Variants in PRELID2 observed in about 807,000 individuals in gnomAD.
PRELID2 encodes the protein PRELI domain containing 2.
A neutral mutation model predicts 28.4 loss-of-function variants in PRELID2; 25 were observed. That is an observed-to-expected ratio of 0.88 (90% CI 0.64 to 1.23). PRELID2 has a LOEUF of 1.23. Ranked by LOEUF, PRELID2 falls within the 50% of genes most tolerant of loss-of-function variation. The pLI is 0.00. For missense variants in PRELID2, 201 were observed against 214.4 expected, an observed-to-expected ratio of 0.94 and a Z score of 0.39; for synonymous variants, 76 against 71.6, an observed-to-expected ratio of 1.06 and a Z score of -0.31.
At chr5:145,778,533 G>A (rs558534449) in intron 5 of PRELID2, among the ~76,000 whole-genome samples, 28 of 152,262 alleles carry the variant, frequency 1.8e-4, no homozygotes, top group African/African-American at 5.8e-4. Flanking sequence ...CTCAGTACCC[G>A]CCAAGCTGAA....
At chr5:145,468,539 TAA>T (rs1476808495), downstream of PRELID2, among the ~76,000 whole-genome samples, 2 of 152,176 alleles carry the variant, frequency 1.3e-5, no homozygotes, top group Non-Finnish European at 2.9e-5. Context: ...ACCTATAGTG[TAA>T]AAGTGTTTCC....
the PRELID2 span, among the ~76,000 whole-genome samples, chr5:145,340,308 C>T: frequency 6.6e-6 from 1 of 152,170 alleles, no homozygotes; most frequent in East Asian, 1.9e-4. Flanking sequence ...CTGTCACAGT[C>T]ACCACCAACA....
chr5:145,348,196 C>T, the PRELID2 span, among the ~76,000 whole-genome samples: 1 of 152,124 alleles, frequency 6.6e-6, no homozygotes, highest in Admixed American at 6.6e-5. Flanking sequence ...GTGAATGTGG[C>T]TGAAATCTTC....
the PRELID2 span, among the ~76,000 whole-genome samples, chr5:145,349,494 ATTT>A: frequency 6.7e-6 from 1 of 149,442 alleles, no homozygotes; most frequent in African/African-American, 2.5e-5. Flanking sequence ...ATATGACTTC[ATTT>A]TTTTTTTACA....
At chr5:145,686,390 T>C (rs972409800) in intron 1 of PRELID2, among the ~76,000 whole-genome samples, 3 of 152,146 alleles carry the variant, frequency 2.0e-5, no homozygotes, top group Non-Finnish European at 4.4e-5. Context: ...TTCTCATTAA[T>C]AAGATGCATA....
intron 5 of PRELID2, among the ~76,000 whole-genome samples, chr5:145,770,321 GC>G (rs1758024490): frequency 6.6e-6 from 1 of 151,816 alleles, no homozygotes; most frequent in African/African-American, 2.4e-5. Flanking sequence ...TTCGAGACCA[GC>G]TTTGGCAACA....
In PRELID2 at chr5:145,741,665, A is replaced by T. The variant is rs1326373967; in HGVS notation, n.70+23266T>A. ...ATTTATATATAAATAATTTATTTAT[A>T]TATAAATAATTTATAAATAATTTAT... On this transcript the variant is annotated intron_variant and non_coding_transcript_variant, in intron 1 of 2. Coordinates refer to the PRELID2 transcript ENST00000510259. Among the ~76,000 whole-genome samples the T allele has an allele frequency of 1.0e-4, 3 of 30,130 alleles. 1 individual carries two copies. Among genetic ancestry groups the T allele is most frequent in the Admixed American group, 4.7e-4 (1 of 2,118 alleles). The allele number at this position is 30,130 out of a possible 152,430, so 19.8% of individuals were successfully genotyped here. A position where few individuals can be genotyped will look rare whatever the true frequency, so the allele number is the denominator to read the frequency against.
chr5:145,337,960 TTTTG>T, the PRELID2 span: 1 of 151,960 alleles, frequency 6.6e-6, no homozygotes, highest in African/African-American at 2.4e-5. Flanking sequence ...ATTTATTTAA[TTTTG>T]TTTGTCAATT....
At chr5:145,751,859 G>T (rs1407474097), downstream of PRELID2, among the ~76,000 whole-genome samples, 3 of 152,146 alleles carry the variant, frequency 2.0e-5, no homozygotes, top group African/African-American at 7.2e-5. Context: ...GCGGGTGCCT[G>T]TAATCCCAGC....
rs546692762 is a variant in PRELID2, at chr5:145,793,181, G to A, written c.474+3261C>T. Among the ~76,000 whole-genome samples, 4 of 152,252 alleles carry A rather than the reference G, an allele frequency of 2.6e-5. No individual in the cohort carries two copies. The South Asian group carries it at 6.2e-4, about 24-fold the overall frequency. On this transcript the variant is annotated intron_variant, in intron 5 of 6. Coordinates refer to ENST00000683046, the MANE Select transcript of PRELID2 (RefSeq NM_205846.3). Reference sequence around the variant, plus strand: ...CTCCCTTTAAGAGTGATGAAGGAAGGAGAAAAAAGCAATTGAGCCAGTCCC... The same window carrying A: ...CTCCCTTTAAGAGTGATGAAGGAAGAAGAAAAAAGCAATTGAGCCAGTCCC...
the PRELID2 span, among the ~76,000 whole-genome samples, chr5:145,235,644 A>G: frequency 6.6e-6 from 1 of 151,962 alleles, no homozygotes; most frequent in Non-Finnish European, 1.5e-5. Context: ...TTTTGCTTAC[A>G]AAGATTTTCT....
intron 1 of PRELID2, among the ~76,000 whole-genome samples, chr5:145,578,094 C>T (rs187409315): frequency 1.7e-3 from 265 of 152,242 alleles, no homozygotes; most frequent in African/African-American, 6.2e-3. Context: ...GTTGCTACAT[C>T]AGCTTAGCTG....
intron 1 of PRELID2, among the ~76,000 whole-genome samples, chr5:145,545,356 G>A (rs1363266863): frequency 1.3e-5 from 2 of 151,750 alleles, no homozygotes; most frequent in African/African-American, 4.8e-5. Context: ...AGTGGGAGAT[G>A]AAGCCATGGG....
At chr5:145,599,963 A>G (rs780475272) in intron 1 of PRELID2, among the ~76,000 whole-genome samples, 1 of 152,156 alleles carries the variant, frequency 6.6e-6, no homozygotes, top group East Asian at 1.9e-4. Flanking sequence ...CTAATCCAAT[A>G]ATTTCAATAA....
the PRELID2 span, among the ~76,000 whole-genome samples, chr5:145,307,866 C>A: frequency 0.013 from 2,042 of 152,234 alleles, 47 homozygotes; most frequent in African/African-American, 0.046. Flanking sequence ...GAACCTTGAC[C>A]TGGACATCTA....
the PRELID2 span, among the ~76,000 whole-genome samples, chr5:145,320,273 CT>C: frequency 2.4e-3 from 349 of 142,654 alleles, no homozygotes; most frequent in Middle Eastern, 7.2e-3. Context: ...CACTCAACAG[CT>C]TTTTTTTTTT....
At chr5:145,423,226 T>C in the PRELID2 span, among the ~76,000 whole-genome samples, 2 of 150,940 alleles carry the variant, frequency 1.3e-5, no homozygotes, top group African/African-American at 4.9e-5. Context: ...GGAGTTGCTC[T>C]TCTCGAGGAG....
At chr5:145,623,827 C>A (rs1252063283) in intron 1 of PRELID2, among the ~76,000 whole-genome samples, 1 of 152,198 alleles carries the variant, frequency 6.6e-6, no homozygotes, top group East Asian at 1.9e-4. Context: ...CTCTCCAACA[C>A]CAGCTGGGTG....
At chr5:145,810,869 T>C (rs1026490910) in intron 4 of PRELID2, among the ~76,000 whole-genome samples, 2 of 152,030 alleles carry the variant, frequency 1.3e-5, no homozygotes, top group South Asian at 2.1e-4. Flanking sequence ...CAAGGGCACA[T>C]AGTTACAGTT....
Sources: allele counts gnomAD v4.1 joint callset (sites outside exome capture counted in the v4.1 genomes callset), GRCh38; gene constraint gnomAD v4.1.1; transcripts MANE v1.5; gene names NCBI Gene and HGNC (gene_info 2026-07-23, HGNC 2026-07-21).